Variants in SLC35F1 observed in about 807,000 individuals in gnomAD.
The protein encoded by SLC35F1 is chromosome 6 open reading frame 169.
In SLC35F1, 14 loss-of-function variants were observed where a neutral mutation model predicts 48.7. That is an observed-to-expected ratio of 0.29 (90% CI 0.19 to 0.45). SLC35F1 has a LOEUF of 0.45. SLC35F1 is among the 20% of genes least tolerant of loss of function. The pLI, the probability that SLC35F1 is intolerant of heterozygous loss-of-function variation, is 1.00. For synonymous variants in SLC35F1, 190 were observed against 202.2 expected, an observed-to-expected ratio of 0.94 and a Z score of 0.51; for missense variants, 404 against 500.0, an observed-to-expected ratio of 0.81 and a Z score of 1.83.
chr6:118,285,705 G>A (rs1436128668), intron 7 of SLC35F1, among the ~76,000 whole-genome samples: 2 of 152,224 alleles, frequency 1.3e-5, no homozygotes, highest in African/African-American at 2.4e-5. Flanking sequence ...TTCTGCGAAA[G>A]GCCTTGGCAG....
intron 1 of SLC35F1, among the ~76,000 whole-genome samples, chr6:118,083,573 TC>T (rs1167024604): frequency 6.6e-6 from 1 of 152,194 alleles, no homozygotes; most frequent in Non-Finnish European, 1.5e-5. Flanking sequence ...ATTAAAGGAA[TC>T]CTTTTTTACT....
chr6:118,251,558 A>G (rs1009804171), intron 3 of SLC35F1, among the ~76,000 whole-genome samples: 2 of 152,160 alleles, frequency 1.3e-5, no homozygotes, highest in East Asian at 1.9e-4. Context: ...CATATTCATG[A>G]GTTTGGGCTT....
intron 6 of SLC35F1, among the ~76,000 whole-genome samples, chr6:118,278,685 G>T (rs1427015981): frequency 2.0e-5 from 3 of 152,222 alleles, no homozygotes; most frequent in African/African-American, 4.8e-5. Flanking sequence ...CAAGGAGAGA[G>T]AGAAGAGGAG....
chr6:118,028,241 T>C (rs529919496), intron 1 of SLC35F1, among the ~76,000 whole-genome samples: 2 of 152,268 alleles, frequency 1.3e-5, no homozygotes, highest in East Asian at 3.9e-4. Context: ...TAAGTTTCTC[T>C]GTTTCCGCTT....
intron 1 of SLC35F1, among the ~76,000 whole-genome samples, chr6:118,137,343 A>C (rs2114434399): frequency 6.6e-6 from 1 of 152,332 alleles, no homozygotes; most frequent in African/African-American, 2.4e-5. Context: ...ATAGAAATAA[A>C]CTTTTCCAAG....
chr6:118,053,264 T>A (rs1261397727), intron 1 of SLC35F1, among the ~76,000 whole-genome samples: 1 of 152,178 alleles, frequency 6.6e-6, no homozygotes, highest in East Asian at 1.9e-4. Flanking sequence ...TTAGGCATAG[T>A]AAGATTTAAG....
intron 1 of SLC35F1, among the ~76,000 whole-genome samples, chr6:118,141,694 G>A (rs1773892327): frequency 6.6e-6 from 1 of 152,040 alleles, no homozygotes; most frequent in Admixed American, 6.5e-5. Flanking sequence ...GCATCCAATG[G>A]CTCCACTTCC....
At chr6:118,032,444 A>G (rs1045896140) in intron 1 of SLC35F1, among the ~76,000 whole-genome samples, 1 of 152,230 alleles carries the variant, frequency 6.6e-6, no homozygotes, top group Admixed American at 6.5e-5. Flanking sequence ...TGAATAACTC[A>G]CAGTCTCTGC....
intron 2 of SLC35F1, among the ~76,000 whole-genome samples, chr6:118,167,985 T>C (rs1582707478): frequency 6.6e-6 from 1 of 152,252 alleles, no homozygotes; most frequent in East Asian, 1.9e-4. Context: ...AGCAGAATAA[T>C]TCATTATAAC....
intron 1 of SLC35F1, among the ~76,000 whole-genome samples, chr6:117,915,720 G>T (rs189507289): frequency 6.6e-6 from 1 of 152,310 alleles, no homozygotes; most frequent in Non-Finnish European, 1.5e-5. Flanking sequence ...GTAGAGAAAT[G>T]ACATGATCAG....
intron 7 of SLC35F1, among the ~76,000 whole-genome samples, chr6:118,310,277 A>G (rs1051065318): frequency 5.3e-5 from 8 of 152,156 alleles, no homozygotes; most frequent in African/African-American, 1.7e-4. Flanking sequence ...TTCAGTCCTC[A>G]TATAGCATTC....
At chr6:118,292,590 T>C (rs1289075834) in intron 7 of SLC35F1, among the ~76,000 whole-genome samples, 4 of 152,182 alleles carry the variant, frequency 2.6e-5, no homozygotes, top group Admixed American at 1.3e-4. Context: ...AATATCTGCA[T>C]GTTGGAGAGG....
At chr6:118,181,981 G>A (rs1208879341) in intron 2 of SLC35F1, among the ~76,000 whole-genome samples, 2 of 152,114 alleles carry the variant, frequency 1.3e-5, no homozygotes, top group Non-Finnish European at 2.9e-5. Context: ...TTCAATAATG[G>A]TAGAGCAAGA....
intron 3 of SLC35F1, among the ~76,000 whole-genome samples, chr6:118,249,285 G>A (rs1171627665): frequency 6.6e-6 from 1 of 152,180 alleles, no homozygotes; most frequent in African/African-American, 2.4e-5. Context: ...CCTTGCTTGT[G>A]TTTCCATTGT....
chr6:118,179,729 CT>C (rs35296472), intron 2 of SLC35F1, among the ~76,000 whole-genome samples: 1 of 152,008 alleles, frequency 6.6e-6, no homozygotes, highest in African/African-American at 2.4e-5. Context: ...TTTTTAAAGG[CT>C]TTTTTTAAAG....
chr6:118,291,665 C>T (rs545904760), intron 7 of SLC35F1, among the ~76,000 whole-genome samples: 22 of 152,306 alleles, frequency 1.4e-4, no homozygotes, highest in African/African-American at 5.1e-4. Flanking sequence ...CTTCCATATA[C>T]GTCTCCTCTC....
At chr6:117,910,457 C>T (rs1775747376) in intron 1 of SLC35F1, among the ~76,000 whole-genome samples, 1 of 152,232 alleles carries the variant, frequency 6.6e-6, no homozygotes, top group Non-Finnish European at 1.5e-5. Flanking sequence ...TTCCTGAATA[C>T]TTCACCCACA....
At chr6:118,056,702 G>A (rs564702483) in intron 1 of SLC35F1, among the ~76,000 whole-genome samples, 21 of 152,268 alleles carry the variant, frequency 1.4e-4, no homozygotes, top group South Asian at 4.1e-4. Context: ...AGAATAGTGT[G>A]TATTCGAGTG....
chr6:118,311,001 C>T (rs1169542759), intron 7 of SLC35F1, among the ~76,000 whole-genome samples: 2 of 152,092 alleles, frequency 1.3e-5, no homozygotes, highest in Non-Finnish European at 2.9e-5. Flanking sequence ...ACTCTGTATC[C>T]AATCCTTTCC....
Sources: gnomAD v4.1 joint callset for allele counts (sites outside exome capture counted in the v4.1 genomes callset) on GRCh38, gnomAD v4.1.1 for gene constraint, MANE v1.5 for transcripts, NCBI Gene and HGNC (gene_info 2026-07-23, HGNC 2026-07-21) for gene names.